The following VSTM4 variants were observed in gnomAD, a reference collection of about 807,000 sequenced individuals.
VSTM4 encodes the protein V-set and transmembrane domain containing 4.
VSTM4 carries 20 observed loss-of-function variants against 36.4 expected under a neutral mutation model. The ratio of observed to expected loss-of-function variants is 0.55; its 90% CI spans 0.39 to 0.80. The LOEUF (loss-of-function observed/expected upper bound fraction) is 0.80, where lower values mean the gene tolerates loss of function less well. VSTM4 is among the 30% of genes least tolerant of loss of function. The probability of loss-of-function intolerance (pLI) is 0.00; values close to 1 mark genes in which losing one functional copy is unlikely to be tolerated. For missense variants in VSTM4, 392 were observed against 404.5 expected, an observed-to-expected ratio of 0.97 and a Z score of 0.26; for synonymous variants, 182 against 173.9, an observed-to-expected ratio of 1.05 and a Z score of -0.37.
intron 7 of VSTM4, among the ~76,000 whole-genome samples, chr10:49,032,075 T>C (rs992748540): frequency 6.6e-6 from 1 of 152,018 alleles, no homozygotes; most frequent in African/African-American, 2.4e-5. Context: ...CCTGTTCTAC[T>C]GCTCTCAGAG....
chr10:49,075,494 T>C (rs558129507), intron 4 of VSTM4, among the ~76,000 whole-genome samples: 20 of 152,380 alleles, frequency 1.3e-4, no homozygotes, highest in African/African-American at 4.8e-4. Flanking sequence ...CACTGTCCTC[T>C]TGAAGGAAGG....
intron 4 of VSTM4, among the ~76,000 whole-genome samples, chr10:49,069,095 T>A (rs778861236): frequency 6.6e-6 from 1 of 151,784 alleles, no homozygotes; most frequent in Non-Finnish European, 1.5e-5. Context: ...ACCTCCCAGA[T>A]GGCATGTCCA....
intron 4 of VSTM4, among the ~76,000 whole-genome samples, chr10:49,073,172 T>A (rs1451092304): frequency 6.6e-6 from 1 of 152,144 alleles, no homozygotes; most frequent in African/African-American, 2.4e-5. Context: ...GATCTACAGA[T>A]CCATGCAGAT....
intron 1 of VSTM4, among the ~76,000 whole-genome samples, chr10:49,108,845 C>T (rs1173823759): frequency 6.6e-6 from 1 of 152,126 alleles, no homozygotes; most frequent in African/African-American, 2.4e-5. Flanking sequence ...GGAGCCACCC[C>T]AGCGCCCACT....
intron 4 of VSTM4, among the ~76,000 whole-genome samples, chr10:49,070,197 G>A (rs1478898057): frequency 1.7e-5 from 1 of 57,390 alleles, no homozygotes; most frequent in Admixed American, 2.0e-4. Flanking sequence ...AGCTTGCAGT[G>A]AGCCGAGATC....
chr10:49,056,495 C>T (rs910885114), intron 5 of VSTM4, among the ~76,000 whole-genome samples: 5 of 152,352 alleles, frequency 3.3e-5, no homozygotes, highest in South Asian at 2.1e-4. Flanking sequence ...CACTAACTGC[C>T]GGGTTGTGCC....
intron 4 of VSTM4, among the ~76,000 whole-genome samples, chr10:49,065,870 T>C (rs1036589581): frequency 6.6e-6 from 1 of 152,128 alleles, no homozygotes; most frequent in Non-Finnish European, 1.5e-5. Flanking sequence ...TGTACAGGTT[T>C]ATCTCGTTCA....
At chr10:49,114,731 G>A (rs1262157021) in intron 1 of VSTM4, among the ~76,000 whole-genome samples, 5 of 152,118 alleles carry the variant, frequency 3.3e-5, no homozygotes, top group African/African-American at 9.7e-5. Context: ...CAGCCAGTAC[G>A]GCCCCTGCTG....
At chr10:49,052,978 CT>C (rs1843721506) in intron 5 of VSTM4, among the ~76,000 whole-genome samples, 2 of 152,220 alleles carry the variant, frequency 1.3e-5, no homozygotes, top group African/African-American at 4.8e-5. Flanking sequence ...AATCTTGTTT[CT>C]CCCCTTGAGC....
chr10:49,082,602 G>A (rs1209608269), intron 3 of VSTM4, among the ~76,000 whole-genome samples: 1 of 152,144 alleles, frequency 6.6e-6, no homozygotes, highest in Non-Finnish European at 1.5e-5. Flanking sequence ...TTGAACCCAG[G>A]AGGCGGAGGT....
chr10:49,101,228 T>C (rs1466075232), intron 2 of VSTM4, among the ~76,000 whole-genome samples: 2 of 152,034 alleles, frequency 1.3e-5, no homozygotes, highest in Non-Finnish European at 2.9e-5. Context: ...GGAAAAAATA[T>C]CAAATTTGAC....
intron 4 of VSTM4, among the ~76,000 whole-genome samples, chr10:49,069,590 C>T (rs1454369741): frequency 1.3e-5 from 2 of 152,174 alleles, no homozygotes; most frequent in African/African-American, 4.8e-5. Context: ...AGGGTGCACC[C>T]CTTACTACAC....
At chr10:49,048,221 C>T (rs1430224565) in intron 6 of VSTM4, among the ~76,000 whole-genome samples, 1 of 152,178 alleles carries the variant, frequency 6.6e-6, no homozygotes, top group African/African-American at 2.4e-5. Flanking sequence ...GTTGATCTTC[C>T]CCCTGCTAAA....
chr10:49,101,583 G>A (rs946439620), intron 2 of VSTM4, among the ~76,000 whole-genome samples: 24 of 152,164 alleles, frequency 1.6e-4, no homozygotes, highest in Admixed American at 2.6e-4. Context: ...GATAAATAAT[G>A]GAAAAGATTA....
At position 49,016,311 on chromosome 10, in the gene VSTM4, A is replaced by G. The variant is rs546608862; in HGVS notation, c.*3339T>C. 1 of 152,352 alleles carries G rather than the reference A, an allele frequency of 6.6e-6. No homozygotes were observed. The highest frequency in any genetic ancestry group is 2.1e-4 in the South Asian group (1 of 4,824). The allele number at this position is 152,352 out of a possible 1,614,324, so 9.4% of individuals were successfully genotyped here. A position where few individuals can be genotyped will look rare whatever the true frequency, so the allele number is the denominator to read the frequency against. ...GACTTGGGTAGAGTCCTGCCCTTCC[A>G]GGACATTCTCCTCCCTGCTGCTTGC... On this transcript the variant is annotated 3_prime_UTR_variant, in exon 8 of 8. Transcript: ENST00000332853.
chr10:49,094,055 T>C (rs954504903), intron 2 of VSTM4, among the ~76,000 whole-genome samples: 4 of 152,194 alleles, frequency 2.6e-5, no homozygotes, highest in African/African-American at 9.6e-5. Context: ...CCGTCATAGT[T>C]ACTCTTAATG....
At chr10:49,021,137 T>C (rs2131928460) in intron 7 of VSTM4, among the ~76,000 whole-genome samples, 1 of 150,908 alleles carries the variant, frequency 6.6e-6, no homozygotes, top group South Asian at 2.1e-4. Flanking sequence ...AATCTAGTGA[T>C]ATTAACAATT....
chr10:49,111,900 G>C (rs1361643401), intron 1 of VSTM4, among the ~76,000 whole-genome samples: 1 of 152,144 alleles, frequency 6.6e-6, no homozygotes, highest in Non-Finnish European at 1.5e-5. Context: ...TCGGGGTCAG[G>C]GGAAGGGACT....
rs1290798386 is a variant in VSTM4 at position 49,049,833 on chromosome 10, G to C, written c.669-1249C>G. 4.6e-5 allele frequency among the ~76,000 whole-genome samples: 7 copies of C among 152,214 alleles called. No individual in the cohort carries two copies. In the East Asian group the frequency reaches 1.4e-3, roughly 29 times the overall value. ...CTATTGGTAGGGGTGCAGGGAATCTGGCACTCAAAAGTATTGCTGGCAGCA... is the reference window on the plus strand; with the variant it reads ...CTATTGGTAGGGGTGCAGGGAATCTCGCACTCAAAAGTATTGCTGGCAGCA... On this transcript the variant is annotated intron_variant, in intron 5 of 7. Coordinates refer to ENST00000332853, the MANE Select transcript of VSTM4 (RefSeq NM_001031746.5).
Sources: gnomAD v4.1 joint callset for allele counts (sites outside exome capture counted in the v4.1 genomes callset) on GRCh38, gnomAD v4.1.1 for gene constraint, MANE v1.5 for transcripts, NCBI Gene and HGNC (gene_info 2026-07-23, HGNC 2026-07-21) for gene names.